The following FRMD4B variants were observed in gnomAD, a reference collection of about 807,000 sequenced individuals.
FRMD4B encodes FERM domain containing 4B, also known as FERM domain-containing protein 4B.
A neutral mutation model predicts 141.5 loss-of-function variants in FRMD4B; 74 were observed. The ratio of observed to expected loss-of-function variants is 0.52; its 90% CI spans 0.43 to 0.63. The LOEUF (loss-of-function observed/expected upper bound fraction) is 0.63, where lower values mean the gene tolerates loss of function less well. Among genes scored for constraint, FRMD4B ranks in the 30% least tolerant of loss-of-function variants. The pLI, the probability that FRMD4B is intolerant of heterozygous loss-of-function variation, is 0.00. For missense variants in FRMD4B, 1,366 were observed against 1,253.4 expected (o/e 1.09, Z -1.36); for synonymous variants, 506 against 467.9 (o/e 1.08, Z -1.05).
chr3:69,408,849 G>GTTGC (rs1704703891), intron 2 of FRMD4B, among the ~76,000 whole-genome samples: 3 of 152,110 alleles, frequency 2.0e-5, no homozygotes, highest in Non-Finnish European at 4.4e-5. Context: ...TGCACCTGGG[G>GTTGC]ACCACTGCTT....
At chr3:69,176,022 C>T (rs1003709121) in intron 22 of FRMD4B, among the ~76,000 whole-genome samples, 39 of 152,070 alleles carry the variant, frequency 2.6e-4, no homozygotes, top group African/African-American at 8.7e-4. Context: ...CCTCATGATC[C>T]GCCCGCCTCG....
chr3:69,410,033 C>T (rs1184278708), intron 2 of FRMD4B, among the ~76,000 whole-genome samples: 1 of 152,190 alleles, frequency 6.6e-6, no homozygotes, highest in African/African-American at 2.4e-5. Flanking sequence ...GCAATGCCAA[C>T]AAGAACTCCA....
intron 5 of FRMD4B, 185 bp from the exon 6 acceptor site, chr3:69,250,284 T>TGTGC (rs2093454320): frequency 6.2e-6 from 3 of 484,128 alleles, no homozygotes; most frequent in Non-Finnish European, 7.2e-6. Context: ...GAAACCACTG[T>TGTGC]GTGTGCGTGT....
chr3:69,529,178 G>A (rs1700977906), intron 1 of FRMD4B, among the ~76,000 whole-genome samples: 1 of 152,216 alleles, frequency 6.6e-6, no homozygotes, highest in Admixed American at 6.5e-5. Context: ...CTCTGTGCTA[G>A]TCCGTTGCTG....
chr3:69,299,103 G>A (rs183388533), intron 4 of FRMD4B, among the ~76,000 whole-genome samples: 1 of 151,914 alleles, frequency 6.6e-6, no homozygotes, highest in Non-Finnish European at 1.5e-5. Context: ...CTTCACTATC[G>A]GGTCCTCAGA....
Position 69,171,929 on chromosome 3 carries a change from C to T in FRMD4B, c.3037G>A (p.Asp1013Asn), listed in dbSNP as rs370422853. 1.9e-5 allele frequency: 30 copies of T among 1,612,656 alleles called. No individual in the cohort carries two copies. The highest frequency in any genetic ancestry group is 2.3e-5 in the Non-Finnish European group (27 of 1,178,778). ...CTCTGCTCACTACTCTCCAGGTTGT[C>T]TTCCAGCTGGTTTCCATCTGTACCA... is the stretch of plus-strand genomic sequence containing the variant. ...LDGTDGNQLEDNLESSEQRLF... is the reference protein window; with the variant it reads ...LDGTDGNQLENNLESSEQRLF... Residue 1013 changes from aspartate to asparagine, a missense_variant, in exon 23 of 23, where the codon GAC becomes AAC. Physicochemically the swap from Asp to Asn is conservative, Grantham distance 23. Coordinates refer to ENST00000398540, the MANE Select transcript of FRMD4B (RefSeq NM_015123.3).
At chr3:69,408,128 C>A (rs1230101166) in intron 2 of FRMD4B, among the ~76,000 whole-genome samples, 3 of 152,078 alleles carry the variant, frequency 2.0e-5, no homozygotes, top group Non-Finnish European at 4.4e-5. Flanking sequence ...CAGGCCATGG[C>A]CAACCCCAAT....
intron 1 of FRMD4B, among the ~76,000 whole-genome samples, chr3:69,468,873 C>T (rs892127388): frequency 6.6e-5 from 10 of 152,074 alleles, no homozygotes; most frequent in African/African-American, 1.9e-4. Flanking sequence ...TGTTTGAGTC[C>T]AGGTATCTGT....
chr3:69,251,333 A>C (rs1179152112), intron 5 of FRMD4B, among the ~76,000 whole-genome samples: 3 of 152,188 alleles, frequency 2.0e-5, no homozygotes, highest in African/African-American at 7.2e-5. Context: ...TGGGGAGATT[A>C]AGTCTTTTTA....
intron 4 of FRMD4B, among the ~76,000 whole-genome samples, chr3:69,299,868 T>G (rs561411592): frequency 6.6e-6 from 1 of 152,176 alleles, no homozygotes; most frequent in African/African-American, 2.4e-5. Context: ...CATGTTCCAG[T>G]GCATGCAGCA....
intron 22 of FRMD4B, among the ~76,000 whole-genome samples, chr3:69,175,457 C>G (rs909671096): frequency 2.6e-5 from 4 of 152,168 alleles, no homozygotes; most frequent in African/African-American, 9.7e-5. Flanking sequence ...TTACAAAGAA[C>G]TACTTTTACA....
chr3:69,171,702 T>C lies in FRMD4B; in HGVS notation c.*159A>G, dbSNP rs2092588015. The C allele has an allele frequency of 1.5e-6, 1 of 682,978 alleles. No individual in the cohort carries two copies. Among genetic ancestry groups the C allele is most frequent in the Non-Finnish European group, 2.5e-6 (1 of 397,706 alleles). The allele number at this position is 682,978 out of a possible 1,614,324, so 42.3% of individuals were successfully genotyped here. A position where few individuals can be genotyped will look rare whatever the true frequency, so the allele number is the denominator to read the frequency against. ...CCTTTAGGGGCTTTGTGGGGCTTGG[T>C]GTGTGATTCACTGATTCACTTCCAG... On this transcript the variant is annotated 3_prime_UTR_variant, in exon 23 of 23. Coordinates refer to ENST00000398540, the MANE Select transcript of FRMD4B (RefSeq NM_015123.3).
intron 1 of FRMD4B, chr3:69,535,935 AT>A: frequency 2.6e-6 from 1 of 383,180 alleles, no homozygotes. Context: ...CCCAGCTTTC[AT>A]TTTCCTGTGG....
In FRMD4B at chr3:69,427,605, C is replaced by T. The variant is rs116527871; in HGVS notation, c.-1+5029G>A. Reference sequence around the variant, plus strand: ...TACACGTAGCCTTCCCTTCCTTGTTCTCCTCCATGACTGTGTTTAGTAAGA... The same window carrying T: ...TACACGTAGCCTTCCCTTCCTTGTTTTCCTCCATGACTGTGTTTAGTAAGA... On this transcript the variant is annotated intron_variant, in intron 2 of 5. Transcript: ENST00000459638. 3.2e-3 allele frequency among the ~76,000 whole-genome samples: 421 copies of T among 133,412 alleles called. 2 individuals are homozygous for T. The highest frequency in any genetic ancestry group is 0.011 in the African/African-American group (403 of 35,458). 87.5% of individuals were successfully genotyped at this position (133,412 alleles called of 152,430 possible).
At chr3:69,499,105 C>T (rs763259760) in intron 1 of FRMD4B, among the ~76,000 whole-genome samples, 1 of 152,128 alleles carries the variant, frequency 6.6e-6, no homozygotes, top group Non-Finnish European at 1.5e-5. Context: ...GATGGGGGAA[C>T]GGTGAGTGCA....
chr3:69,392,550 A>G (rs1190165964), intron 2 of FRMD4B, among the ~76,000 whole-genome samples: 1 of 152,208 alleles, frequency 6.6e-6, no homozygotes, highest in African/African-American at 2.4e-5. Flanking sequence ...AGGCTGCTGT[A>G]GAGTTCTAGG....
chr3:69,351,875 C>T (rs1703161802), intron 1 of FRMD4B, among the ~76,000 whole-genome samples: 1 of 152,160 alleles, frequency 6.6e-6, no homozygotes, highest in African/African-American at 2.4e-5. Flanking sequence ...TTTAAATGTT[C>T]CATGGCATAA....
intron 7 of FRMD4B, among the ~76,000 whole-genome samples, chr3:69,230,995 A>G (rs1166773718): frequency 6.6e-6 from 1 of 152,246 alleles, no homozygotes; most frequent in Non-Finnish European, 1.5e-5. Context: ...GAAACTAGAA[A>G]CAATCACACA....
chr3:69,505,367 G>A (rs1284520922), intron 1 of FRMD4B, among the ~76,000 whole-genome samples: 1 of 151,948 alleles, frequency 6.6e-6, no homozygotes, highest in African/African-American at 2.4e-5. Flanking sequence ...GACAGAGCAA[G>A]ACCCTATCTC....
Sources: allele counts gnomAD v4.1 joint callset (sites outside exome capture counted in the v4.1 genomes callset), GRCh38; gene constraint gnomAD v4.1.1; transcripts MANE v1.5; gene names NCBI Gene and HGNC (gene_info 2026-07-23, HGNC 2026-07-21).